TNRC6B: variants seen among roughly 807,000 people sequenced by gnomAD.
TNRC6B encodes the protein trinucleotide repeat-containing gene 6B protein.
A neutral mutation model predicts 203.6 loss-of-function variants in TNRC6B; 52 were observed. The observed-to-expected ratio is 0.26, with a 90% CI of 0.20 to 0.32. TNRC6B has a LOEUF of 0.32. Ranked by LOEUF, TNRC6B falls within the 10% of genes least tolerant of loss-of-function variation. The pLI is 1.00. For synonymous variants in TNRC6B, 838 were observed against 845.7 expected, an observed-to-expected ratio of 0.99 and a Z score of 0.16; for missense variants, 1,923 against 2,286.2, an observed-to-expected ratio of 0.84 and a Z score of 3.24.
chr22:40,258,101 T>TTTTTTTTA (rs869114055), intron 3 of TNRC6B, among the ~76,000 whole-genome samples: 31 of 108,422 alleles, frequency 2.9e-4, no homozygotes, highest in African/African-American at 1.5e-3. Context: ...TTTTTTTTTT[T>TTTTTTTTA]ACCCCACAAT....
At chr22:40,112,115 A>G (rs1482894911) in intron 1 of TNRC6B, among the ~76,000 whole-genome samples, 2 of 152,110 alleles carry the variant, frequency 1.3e-5, no homozygotes, top group Non-Finnish European at 2.9e-5. Flanking sequence ...AGAGAAAGCA[A>G]AAGGATGGGT....
At chr22:40,305,479 G>A (rs752024133) in intron 15 of TNRC6B, among the ~76,000 whole-genome samples, 4 of 152,214 alleles carry the variant, frequency 2.6e-5, no homozygotes, top group South Asian at 2.1e-4. Context: ...CACTAGCGAA[G>A]CACCATCTCT....
rs1372617570 is a variant in TNRC6B, at chr22:40,273,607, T to G, written c.3141+7T>G. 6.4e-7 allele frequency: 1 copy of G among 1,560,256 alleles called. No individual in the cohort carries two copies. Among genetic ancestry groups the G allele is most frequent in the East Asian group, 2.4e-5 (1 of 42,096 alleles). Reference sequence around the variant, plus strand: ...AGGAAAGAAACAAATGAAGGTAGCCTGCTTAGAAATGTTCGCACTTGCTCA... The same window carrying G: ...AGGAAAGAAACAAATGAAGGTAGCCGGCTTAGAAATGTTCGCACTTGCTCA... On this transcript the variant is annotated splice_region_variant and intron_variant, in intron 7 of 22. Transcript: ENST00000454349.
chr22:40,320,706 G>C (rs541417259), intron 21 of TNRC6B, among the ~76,000 whole-genome samples: 5 of 152,246 alleles, frequency 3.3e-5, no homozygotes, highest in Non-Finnish European at 7.4e-5. Context: ...GGCAAAGTAG[G>C]GGTAAGACAG....
chr22:40,203,675 A>G (rs2069441775), intron 1 of TNRC6B, among the ~76,000 whole-genome samples: 1 of 150,714 alleles, frequency 6.6e-6, no homozygotes, highest in African/African-American at 2.4e-5. Flanking sequence ...AGGTTCAGTC[A>G]TCAGAACAGA....
At chr22:40,233,495 G>T (rs1391499590) in intron 1 of TNRC6B, among the ~76,000 whole-genome samples, 4 of 150,136 alleles carry the variant, frequency 2.7e-5, no homozygotes, top group Non-Finnish European at 4.4e-5. Context: ...GGTTTCATGT[G>T]CCTGTGGTCC....
chr22:40,061,886 C>T (rs1198192115), intron 1 of TNRC6B, among the ~76,000 whole-genome samples: 2 of 151,976 alleles, frequency 1.3e-5, no homozygotes, highest in Admixed American at 1.3e-4. Context: ...CCAGCCTAGC[C>T]AACATGGTGA....
chr22:40,322,732 C>CATGGAT (rs2071351287), intron 22 of TNRC6B, 122 bp from the exon 23 acceptor site: 1 of 1,192,254 alleles, frequency 8.4e-7, no homozygotes, highest in Non-Finnish European at 1.2e-6. Flanking sequence ...AAAAAGCGTT[C>CATGGAT]ATGGATATGG....
At position 40,090,189 on chromosome 22, in the gene TNRC6B, A is replaced by G. The variant is rs555969403; in HGVS notation, c.-120-26866A>G. Among the ~76,000 whole-genome samples, 4 of 152,376 alleles carry G rather than the reference A, an allele frequency of 2.6e-5. 1 individual carries two copies. In the South Asian group the frequency reaches 8.3e-4, roughly 32 times the overall value. On this transcript the variant is annotated intron_variant, in intron 1 of 23. Coordinates refer to the TNRC6B transcript ENST00000301923. ...ACATAAGTTTTCACCTCATTTGACC[A>G]AATGTCAAGGAGCACAATTTCTGGA...
intron 3 of TNRC6B, among the ~76,000 whole-genome samples, chr22:40,135,653 C>T (rs1266432480): frequency 6.6e-6 from 1 of 152,090 alleles, no homozygotes; most frequent in Admixed American, 6.6e-5. Flanking sequence ...AGGTGTGCCA[C>T]CATGCCTGGC....
chr22:40,296,326 ATTTTTTTTTTT>A (rs951987835), intron 12 of TNRC6B, among the ~76,000 whole-genome samples: 32 of 125,462 alleles, frequency 2.6e-4, no homozygotes, highest in African/African-American at 9.5e-4. Flanking sequence ...AGAATGGTGA[ATTTTTTTTTTT>A]TTTTTTTTTT....
At chr22:40,190,351 G>A (rs1450288338) in intron 1 of TNRC6B, among the ~76,000 whole-genome samples, 1 of 152,138 alleles carries the variant, frequency 6.6e-6, no homozygotes, top group East Asian at 1.9e-4. Flanking sequence ...AAAACTTACA[G>A]CAAAATTTAT....
upstream of TNRC6B, among the ~76,000 whole-genome samples, chr22:40,175,224 G>A (rs1036816645): frequency 3.3e-5 from 5 of 152,000 alleles, no homozygotes; most frequent in African/African-American, 1.2e-4. Flanking sequence ...GGGCATGGTG[G>A]CATGTGTCTG....
Position 40,114,647 on chromosome 22 carries a change from G to A in TNRC6B, c.-120-2408G>A, listed in dbSNP as rs112731056. ...CCGGCCTAGAGGAATTCTTGCAGCC[G>A]GCTTGCAGTTTAGCAGGACCTGGGG... On this transcript the variant is annotated intron_variant, in intron 1 of 23. Coordinates refer to the TNRC6B transcript ENST00000301923. Among the ~76,000 whole-genome samples the A allele has an allele frequency of 1.2e-4, 19 of 152,206 alleles. No individual in the cohort carries two copies. In the South Asian group the frequency reaches 1.5e-3, roughly 12 times the overall value.
intron 20 of TNRC6B, among the ~76,000 whole-genome samples, 162 bp downstream of exon 20, chr22:40,315,669 G>A (rs532060123): frequency 6.6e-6 from 1 of 152,056 alleles, no homozygotes; most frequent in African/African-American, 2.4e-5. Flanking sequence ...AGTGAAAGTC[G>A]CAGTCAGTAT....
At chr22:40,318,540 T>C (rs972802264) in intron 21 of TNRC6B, among the ~76,000 whole-genome samples, 4 of 151,270 alleles carry the variant, frequency 2.6e-5, no homozygotes, top group Non-Finnish European at 4.4e-5. Context: ...GAGCGAGACT[T>C]CATCTCAGAG....
intron 1 of TNRC6B, among the ~76,000 whole-genome samples, chr22:40,050,480 C>G (rs1326050049): frequency 2.0e-5 from 3 of 152,182 alleles, no homozygotes; most frequent in Non-Finnish European, 4.4e-5. Flanking sequence ...CTGCACCACT[C>G]TCTTGGCTTG....
chr22:40,118,988 C>T (rs1453468491), intron 2 of TNRC6B, among the ~76,000 whole-genome samples: 1 of 152,134 alleles, frequency 6.6e-6, no homozygotes, highest in Non-Finnish European at 1.5e-5. Context: ...GCCATATTGG[C>T]AAAGCTGTAA....
intron 1 of TNRC6B, among the ~76,000 whole-genome samples, chr22:40,066,792 A>G (rs1265439862): frequency 6.6e-6 from 1 of 152,016 alleles, no homozygotes; most frequent in African/African-American, 2.4e-5. Context: ...GTTTTATGTG[A>G]TAGTCTCCCT....
Sources: allele counts gnomAD v4.1 joint callset (sites outside exome capture counted in the v4.1 genomes callset), GRCh38; gene constraint gnomAD v4.1.1; transcripts MANE v1.5; gene names NCBI Gene and HGNC (gene_info 2026-07-23, HGNC 2026-07-21).